Variants in INIP observed in about 807,000 individuals in gnomAD.
INIP encodes the protein INTS3 and NABP interacting protein.
In INIP, 9 loss-of-function variants were observed where a neutral mutation model predicts 14.0. The ratio of observed to expected loss-of-function variants is 0.64; its 90% confidence interval spans 0.39 to 1.12. The LOEUF is 1.12. Among genes scored for constraint, INIP ranks in the 50% most tolerant of loss-of-function variants. The pLI is 0.01. For missense variants in INIP, 78 were observed against 122.7 expected (o/e 0.64, Z 1.72); for synonymous variants, 37 against 41.5 (o/e 0.89, Z 0.41).
At chr9:112,712,157 A>G (rs2131315077) in intron 2 of INIP, among the ~76,000 whole-genome samples, 1 of 152,320 alleles carries the variant, frequency 6.6e-6, no homozygotes, top group African/African-American at 2.4e-5. Flanking sequence ...GGCTTGAGGG[A>G]GAGGCAGAAG....
Position 112,685,518 on chromosome 9 carries a change from A to G in INIP, c.*2020T>C, listed in dbSNP as rs764698929. Reference sequence around the variant, plus strand: ...TAGCCAGGAATACAGGATTTAGGCCATATCTATTTAAAAGAAGACTAACAA... The same window carrying G: ...TAGCCAGGAATACAGGATTTAGGCCGTATCTATTTAAAAGAAGACTAACAA... On this transcript the variant is annotated 3_prime_UTR_variant, in exon 5 of 5. Coordinates refer to ENST00000374242, the MANE Select transcript of INIP (RefSeq NM_021218.3). 6.7e-6 allele frequency: 1 copy of G among 149,848 alleles called. No individual in the cohort carries two copies. The highest frequency in any genetic ancestry group is 1.5e-5 in the Non-Finnish European group (1 of 67,428). 9.3% of individuals were successfully genotyped at this position (149,848 alleles called of 1,614,324 possible). A position where few individuals can be genotyped will look rare whatever the true frequency, so the allele number is the denominator to read the frequency against.
At chr9:112,711,030 G>GA (rs1192129774) in intron 2 of INIP, among the ~76,000 whole-genome samples, 8 of 150,148 alleles carry the variant, frequency 5.3e-5, no homozygotes, top group African/African-American at 2.0e-4. Flanking sequence ...AAAAAAAAAA[G>GA]AAAAAAAATT....
intron 1 of INIP, among the ~76,000 whole-genome samples, chr9:112,717,144 A>T (rs12685865): frequency 6.6e-6 from 1 of 152,182 alleles, no homozygotes; most frequent in East Asian, 1.9e-4. Context: ...TTTACCAAAT[A>T]TATCAACCAA....
intron 2 of INIP, among the ~76,000 whole-genome samples, chr9:112,707,433 C>T (rs1214984929): frequency 2.0e-5 from 3 of 151,748 alleles, no homozygotes; most frequent in African/African-American, 7.3e-5. Flanking sequence ...TTCATAATCA[C>T]GTATGTTCTC....
intron 2 of INIP, among the ~76,000 whole-genome samples, chr9:112,714,919 C>T (rs1222042516): frequency 3.3e-5 from 5 of 151,996 alleles, no homozygotes; most frequent in Non-Finnish European, 5.9e-5. Flanking sequence ...TCTGTTGCTC[C>T]AAGGCTACAA....
At chr9:112,692,175 C>T (rs1231693242) in intron 3 of INIP, among the ~76,000 whole-genome samples, 1 of 152,176 alleles carries the variant, frequency 6.6e-6, no homozygotes, top group Non-Finnish European at 1.5e-5. Context: ...GGAAGTCAGA[C>T]TGCAGCGGGT....
At position 112,686,976 on chromosome 9, in the gene INIP, G is replaced by T. The variant is rs1048795718; in HGVS notation, c.*562C>A. 6.6e-6 allele frequency: 1 copy of T among 152,250 alleles called. No homozygotes were observed. Among genetic ancestry groups the T allele is most frequent in the Non-Finnish European group, 1.5e-5 (1 of 68,100 alleles). 9.4% of individuals were successfully genotyped at this position (152,250 alleles called of 1,614,324 possible). On this transcript the variant is annotated 3_prime_UTR_variant, in exon 5 of 5. Transcript: ENST00000374242. ...TGTTTATAAAAGATGGTTAAGACTG[G>T]TTAGTAATTTATTCTTGAGGTTTGT...
chr9:112,711,470 A>C (rs896439884), intron 2 of INIP, among the ~76,000 whole-genome samples: 1 of 152,218 alleles, frequency 6.6e-6, no homozygotes, highest in Admixed American at 6.5e-5. Context: ...ACTACGAAAA[A>C]AGTAACCAGC....
At chr9:112,696,421 T>C (rs1669544985) in intron 2 of INIP, among the ~76,000 whole-genome samples, 1 of 152,180 alleles carries the variant, frequency 6.6e-6, no homozygotes, top group Non-Finnish European at 1.5e-5. Context: ...TTAATACAGC[T>C]TTGAGAGACA....
intron 2 of INIP, among the ~76,000 whole-genome samples, chr9:112,714,071 A>T (rs951883490): frequency 2.0e-5 from 3 of 152,172 alleles, no homozygotes; most frequent in African/African-American, 7.2e-5. Context: ...AGACAACCCC[A>T]AAGTTTACAA....
chr9:112,706,886 C>T (rs1838489189), intron 2 of INIP, among the ~76,000 whole-genome samples: 1 of 152,066 alleles, frequency 6.6e-6, no homozygotes, highest in Non-Finnish European at 1.5e-5. Flanking sequence ...CAAGTGTGAA[C>T]CACCAAACCT....
intron 2 of INIP, among the ~76,000 whole-genome samples, chr9:112,715,176 A>T (rs948709894): frequency 5.8e-5 from 8 of 138,964 alleles, no homozygotes; most frequent in African/African-American, 2.2e-4. Flanking sequence ...ACACACACAC[A>T]CACGGTTTAA....
chr9:112,697,272 G>A (rs1182079945), intron 2 of INIP, among the ~76,000 whole-genome samples: 3 of 152,190 alleles, frequency 2.0e-5, no homozygotes, highest in Non-Finnish European at 4.4e-5. Flanking sequence ...ATTTTGGGAG[G>A]CCAAAGTGGG....
At chr9:112,689,935 T>C (rs1349588018) in intron 3 of INIP, among the ~76,000 whole-genome samples, 1 of 152,190 alleles carries the variant, frequency 6.6e-6, no homozygotes, top group Non-Finnish European at 1.5e-5. Flanking sequence ...CACTATGCTA[T>C]ATAGTAAATC....
At chr9:112,687,670 T>C (rs1554737256) in intron 4 of INIP, 37 bp from the exon 5 acceptor site, 1 of 1,206,090 alleles carries the variant, frequency 8.3e-7, no homozygotes, top group Non-Finnish European at 1.2e-6. Context: ...AATTAAGCTA[T>C]TAAATAGAGT....
chr9:112,688,003 A>C (rs1009982842), intron 4 of INIP, among the ~76,000 whole-genome samples: 1 of 152,026 alleles, frequency 6.6e-6, no homozygotes, highest in African/African-American at 2.4e-5. Flanking sequence ...GGAGAATGGC[A>C]TGAACCTGGG....
chr9:112,699,553 AC>A (rs1287558922), intron 2 of INIP, among the ~76,000 whole-genome samples: 1 of 152,142 alleles, frequency 6.6e-6, no homozygotes, highest in Non-Finnish European at 1.5e-5. Context: ...TTAATCTCTT[AC>A]TGTGTCTAAT....
intron 2 of INIP, among the ~76,000 whole-genome samples, chr9:112,706,881 G>A (rs1365076932): frequency 6.6e-6 from 1 of 151,898 alleles, no homozygotes; most frequent in Non-Finnish European, 1.5e-5. Context: ...GATTACAAGT[G>A]TGAACCACCA....
At chr9:112,716,371 G>A in intron 2 of INIP, 90 bp downstream of exon 2, 1 of 1,198,056 alleles carries the variant, frequency 8.3e-7, no homozygotes, top group South Asian at 1.2e-5. Context: ...TCTGGCTACA[G>A]TAACTGCCCT....
Sources: gnomAD v4.1 joint callset for allele counts (sites outside exome capture counted in the v4.1 genomes callset) on GRCh38, gnomAD v4.1.1 for gene constraint, MANE v1.5 for transcripts, NCBI Gene and HGNC (gene_info 2026-07-23, HGNC 2026-07-21) for gene names.